CAMK1D: variants seen among roughly 807,000 people sequenced by gnomAD.
CAMK1D encodes calcium/calmodulin-dependent protein kinase type 1D.
A neutral mutation model predicts 47.7 loss-of-function variants in CAMK1D; 9 were observed. The ratio of observed to expected loss-of-function variants is 0.19; its 90% CI spans 0.11 to 0.33. The LOEUF (loss-of-function observed/expected upper bound fraction) is 0.33, where lower values mean the gene tolerates loss of function less well. Among genes scored for constraint, CAMK1D ranks in the 10% least tolerant of loss-of-function variants. The pLI is 1.00. For synonymous variants in CAMK1D, 184 were observed against 184.9 expected (o/e 0.99, Z 0.04); for missense variants, 291 against 488.7 (o/e 0.60, Z 3.81).
At chr10:12,373,162 A>G (rs1400987608) in intron 1 of CAMK1D, among the ~76,000 whole-genome samples, 2 of 151,950 alleles carry the variant, frequency 1.3e-5, no homozygotes, top group Non-Finnish European at 1.5e-5. Context: ...GTCCATGCCT[A>G]ATTAACTGGG....
chr10:12,737,085 C>A (rs1835222663), intron 3 of CAMK1D, among the ~76,000 whole-genome samples: 1 of 152,152 alleles, frequency 6.6e-6, no homozygotes, highest in Non-Finnish European at 1.5e-5. Context: ...GTCCCAGGGG[C>A]CAGGGGCTGG....
intron 2 of CAMK1D, among the ~76,000 whole-genome samples, chr10:12,555,796 A>T (rs10906167): frequency 0.3 from 45,637 of 151,910 alleles, 8,141 homozygotes; most frequent in Non-Finnish European, 0.4. Flanking sequence ...TGATTCCCTT[A>T]GGGCTGAGAA....
intron 2 of CAMK1D, among the ~76,000 whole-genome samples, chr10:12,573,392 A>AC (rs1252686045): frequency 1.5e-5 from 2 of 131,332 alleles, no homozygotes; most frequent in Non-Finnish European, 3.0e-5. Context: ...CTGGTGGGTT[A>AC]CCGCTAGCAT....
chr10:12,553,435 G>C (rs1836654910), intron 2 of CAMK1D, 79 bp downstream of exon 2: 4 of 1,254,772 alleles, frequency 3.2e-6, no homozygotes, highest in Non-Finnish European at 4.6e-6. Flanking sequence ...CCCGGAGGCA[G>C]ACTTTCCCCG....
chr10:12,400,865 C>A (rs7101112), intron 1 of CAMK1D, among the ~76,000 whole-genome samples: 1 of 150,286 alleles, frequency 6.7e-6, no homozygotes, highest in African/African-American at 2.5e-5. Context: ...ACCTGTAAAC[C>A]CAGAACTTTG....
At chr10:12,491,426 A>T (rs1834379745) in intron 1 of CAMK1D, among the ~76,000 whole-genome samples, 1 of 152,158 alleles carries the variant, frequency 6.6e-6, no homozygotes, top group Admixed American at 6.5e-5. Flanking sequence ...GTCCAGGGTC[A>T]TTCAAAAAAT....
intron 1 of CAMK1D, among the ~76,000 whole-genome samples, chr10:12,447,035 C>T (rs189542991): frequency 1.8e-4 from 28 of 152,250 alleles, no homozygotes; most frequent in East Asian, 1.9e-4. Flanking sequence ...TTTAAGACAA[C>T]GTCTCCTTTT....
At chr10:12,425,445 C>A (rs576454138) in intron 1 of CAMK1D, among the ~76,000 whole-genome samples, 1 of 152,216 alleles carries the variant, frequency 6.6e-6, no homozygotes, top group East Asian at 1.9e-4. Flanking sequence ...CCACGCCCAG[C>A]TAATTTTTGT....
intron 6 of CAMK1D, among the ~76,000 whole-genome samples, chr10:12,797,196 C>CTTTTT (rs66641899): frequency 1.6e-4 from 22 of 137,540 alleles, no homozygotes; most frequent in African/African-American, 3.0e-4. Context: ...TGACCAGTTC[C>CTTTTT]TTTTTTTTTT....
intron 2 of CAMK1D, among the ~76,000 whole-genome samples, chr10:12,600,027 C>A (rs983858153): frequency 6.6e-6 from 1 of 152,136 alleles, no homozygotes; most frequent in Non-Finnish European, 1.5e-5. Context: ...ATCACTTGAG[C>A]TCAGGAGTTG....
intron 1 of CAMK1D, among the ~76,000 whole-genome samples, chr10:12,429,624 G>A (rs1840373149): frequency 6.6e-6 from 1 of 152,114 alleles, no homozygotes; most frequent in African/African-American, 2.4e-5. Context: ...ACAGGCGTGA[G>A]CCACCATGCC....
chr10:12,391,099 G>A (rs1838709447), intron 1 of CAMK1D, among the ~76,000 whole-genome samples: 1 of 152,156 alleles, frequency 6.6e-6, no homozygotes, highest in African/African-American at 2.4e-5. Flanking sequence ...CCCTTTCTCA[G>A]GCCATGATAC....
chr10:12,724,075 A>T (rs561432246), intron 3 of CAMK1D, among the ~76,000 whole-genome samples: 1 of 152,098 alleles, frequency 6.6e-6, no homozygotes, highest in South Asian at 2.1e-4. Flanking sequence ...TGCAACCTCT[A>T]CCTCCCAGGT....
chr10:12,721,608 A>T (rs929347661), intron 3 of CAMK1D, among the ~76,000 whole-genome samples: 45 of 152,226 alleles, frequency 3.0e-4, no homozygotes, highest in African/African-American at 9.9e-4. Flanking sequence ...TGTAGGCATC[A>T]GGAATATAGT....
At chr10:12,523,267 G>A (rs1299272258) in intron 1 of CAMK1D, among the ~76,000 whole-genome samples, 2 of 150,730 alleles carry the variant, frequency 1.3e-5, no homozygotes, top group Non-Finnish European at 3.0e-5. Flanking sequence ...CAGACTGGGT[G>A]GCCGGGCAGA....
At chr10:12,534,059 C>T (rs1300176428) in intron 1 of CAMK1D, among the ~76,000 whole-genome samples, 3 of 152,180 alleles carry the variant, frequency 2.0e-5, no homozygotes, top group Non-Finnish European at 2.9e-5. Flanking sequence ...TCATTGGCTA[C>T]CTCCAGCTGA....
At chr10:12,485,648 C>T (rs368467444) in intron 1 of CAMK1D, among the ~76,000 whole-genome samples, 165 of 152,246 alleles carry the variant, frequency 1.1e-3, no homozygotes, top group African/African-American at 3.3e-3. Context: ...TCTGCCACAC[C>T]GCTCAAAACT....
chr10:12,381,516 A>G lies in CAMK1D; in HGVS notation c.92+31606A>G, dbSNP rs752005733. 1.2e-4 allele frequency among the ~76,000 whole-genome samples: 18 copies of G among 151,982 alleles called. 2 individuals are homozygous for G. The highest frequency in any genetic ancestry group is 9.8e-4 in the Admixed American group (15 of 15,252). ...GCACCTGGCTAATTTTTGTATTTTT[A>G]GTAGAGACGGGTTTCACCTTGTTGG... On this transcript the variant is annotated intron_variant, in intron 1 of 10. Transcript: ENST00000619168.
chr10:12,434,997 C>T (rs1173880864), intron 1 of CAMK1D, among the ~76,000 whole-genome samples: 1 of 152,036 alleles, frequency 6.6e-6, no homozygotes, highest in Non-Finnish European at 1.5e-5. Context: ...GCGGGTGGAT[C>T]ACCTGAGGTC....
Sources: allele counts gnomAD v4.1 joint callset (sites outside exome capture counted in the v4.1 genomes callset), GRCh38; gene constraint gnomAD v4.1.1; transcripts MANE v1.5; gene names NCBI Gene and HGNC (gene_info 2026-07-23, HGNC 2026-07-21).